The following PPP1R9A variants were observed in gnomAD, a reference collection of about 807,000 sequenced individuals.
The protein encoded by PPP1R9A is neurabin-1.
Under a neutral mutation model 141.9 loss-of-function variants are expected in PPP1R9A, and 59 were observed. The ratio of observed to expected loss-of-function variants is 0.42; its 90% confidence interval spans 0.34 to 0.52. The LOEUF is 0.52. Ranked by LOEUF, PPP1R9A falls within the 20% of genes least tolerant of loss-of-function variation. PPP1R9A has a pLI of 0.10. For synonymous variants in PPP1R9A, 500 were observed against 569.7 expected (o/e 0.88, Z 1.74); for missense variants, 1,444 against 1,611.9 (o/e 0.90, Z 1.78).
rs1475237222 is a variant in PPP1R9A, at chr7:95,072,875, T to A, written c.1396-38384T>A. ...ATATAAGTTATATAATATAATATAA[T>A]ATTATATAATATACCATATATAGCA... On this transcript the variant is annotated intron_variant, in intron 2 of 19. Coordinates refer to ENST00000433360, the MANE Select transcript of PPP1R9A (RefSeq NM_001166160.2). Among the ~76,000 whole-genome samples the A allele has an allele frequency of 2.6e-5, 3 of 114,780 alleles. No homozygotes were observed. The Admixed American group carries it at 3.6e-4, about 14-fold the overall frequency. The allele number at this position is 114,780 out of a possible 152,430, so 75.3% of individuals were successfully genotyped here.
intron 2 of PPP1R9A, among the ~76,000 whole-genome samples, chr7:94,929,117 A>C (rs1793840967): frequency 6.6e-6 from 1 of 152,218 alleles, no homozygotes; most frequent in Non-Finnish European, 1.5e-5. Flanking sequence ...TTTAACTGCC[A>C]TTTTCAATTA....
At chr7:95,221,191 C>T (rs1360457702) in intron 7 of PPP1R9A, among the ~76,000 whole-genome samples, 1 of 152,110 alleles carries the variant, frequency 6.6e-6, no homozygotes, top group Non-Finnish European at 1.5e-5. Context: ...TCGTTTTGAG[C>T]ACCTACCATG....
intron 12 of PPP1R9A, among the ~76,000 whole-genome samples, chr7:95,268,327 A>G (rs1257210260): frequency 6.6e-6 from 1 of 152,084 alleles, no homozygotes; most frequent in East Asian, 1.9e-4. Flanking sequence ...TTGGATTTTT[A>G]TAGCGCCTTC....
chr7:95,139,228 T>G (rs1172858136), intron 4 of PPP1R9A, among the ~76,000 whole-genome samples: 5 of 152,116 alleles, frequency 3.3e-5, no homozygotes, highest in Non-Finnish European at 7.4e-5. Context: ...AGAAGGCACC[T>G]CCTCACAGGG....
Position 94,910,923 on chromosome 7 carries a change from T to G in PPP1R9A, c.810T>G (p.Asp270Glu), listed in dbSNP as rs898950602. ...ACAAGCGAGGTGTTGATACAGAGGA[T>G]GCTCACAAGAGTAATGCAACTCCAG... ...PSNKRGVDTE[D>E]AHKSNATPVP... The change falls in exon 2 of 20, where the codon GAT (aspartate) becomes GAG (glutamate). Residue 270 changes from aspartate (D) to glutamate (E), a missense_variant. Physicochemically the swap from Asp to Glu is conservative, Grantham distance 45. This residue lies in a region of PPP1R9A where 490 missense variants were observed against 521.1 expected (regional missense o/e 0.94). Coordinates refer to ENST00000433360, the MANE Select transcript of PPP1R9A (RefSeq NM_001166160.2). This position sits in a 1 kb window ranked among gnomAD's most constrained non-coding sequence, Gnocchi z 4.5. The G allele has an allele frequency of 3.1e-6, 5 of 1,614,036 alleles. No homozygotes were observed. Among genetic ancestry groups the G allele is most frequent in the Non-Finnish European group, 3.4e-6 (4 of 1,180,032 alleles).
chr7:95,037,714 T>C (rs1198465231), intron 2 of PPP1R9A, among the ~76,000 whole-genome samples: 1 of 152,152 alleles, frequency 6.6e-6, no homozygotes, highest in Non-Finnish European at 1.5e-5. Context: ...CGCGCGTGTG[T>C]GTGTGCGTGC....
intron 2 of PPP1R9A, among the ~76,000 whole-genome samples, chr7:95,011,140 ATTATG>A (rs1804361176): frequency 6.6e-6 from 1 of 152,202 alleles, no homozygotes; most frequent in African/African-American, 2.4e-5. Flanking sequence ...CATGCTCAAT[ATTATG>A]TTATATTTAA....
At chr7:95,103,911 AT>A (rs1381344430) in intron 2 of PPP1R9A, among the ~76,000 whole-genome samples, 4 of 152,198 alleles carry the variant, frequency 2.6e-5, no homozygotes, top group Admixed American at 2.6e-4. Context: ...ACTTTGGCAT[AT>A]ATAACATAAT....
chr7:94,981,602 A>G (rs1312165396), intron 2 of PPP1R9A, among the ~76,000 whole-genome samples: 1 of 152,072 alleles, frequency 6.6e-6, no homozygotes, highest in Non-Finnish European at 1.5e-5. Context: ...TTCACCTTGT[A>G]TTACAGATAA....
At chr7:95,031,264 A>G (rs1245658662) in intron 2 of PPP1R9A, among the ~76,000 whole-genome samples, 2 of 152,212 alleles carry the variant, frequency 1.3e-5, no homozygotes, top group Admixed American at 6.5e-5. Flanking sequence ...AGCTGAATGT[A>G]TAACTTAGAT....
chr7:95,245,919 G>T (rs1377443810), intron 8 of PPP1R9A, among the ~76,000 whole-genome samples: 1 of 152,184 alleles, frequency 6.6e-6, no homozygotes, highest in African/African-American at 2.4e-5. Flanking sequence ...GATGGCCAGA[G>T]TGACCAGGTC....
chr7:95,033,551 G>A (rs1374460932), intron 2 of PPP1R9A, among the ~76,000 whole-genome samples: 2 of 151,980 alleles, frequency 1.3e-5, no homozygotes, highest in African/African-American at 4.8e-5. Context: ...TTTCCTTGAT[G>A]GTTAGTGCTT....
intron 12 of PPP1R9A, among the ~76,000 whole-genome samples, chr7:95,257,037 T>C (rs1799684377): frequency 6.6e-6 from 1 of 152,164 alleles, no homozygotes. Flanking sequence ...AAACAAGGCT[T>C]TTAACTTCTT....
chr7:95,286,885 A>T (rs1395388052), intron 18 of PPP1R9A, among the ~76,000 whole-genome samples: 2 of 152,178 alleles, frequency 1.3e-5, no homozygotes, highest in Non-Finnish European at 2.9e-5. Flanking sequence ...GGAGGACAGA[A>T]GGCACCATAA....
chr7:95,039,795 C>G (rs751164133), intron 2 of PPP1R9A, among the ~76,000 whole-genome samples: 14 of 151,652 alleles, frequency 9.2e-5, no homozygotes. Flanking sequence ...GTGTGACATA[C>G]CCATAATTGG....
chr7:95,023,814 A>T (rs1013159511), intron 2 of PPP1R9A, among the ~76,000 whole-genome samples: 5 of 152,102 alleles, frequency 3.3e-5, no homozygotes, highest in Non-Finnish European at 5.9e-5. Flanking sequence ...GGCCTCCCAA[A>T]GTGTTGGGAT....
intron 2 of PPP1R9A, among the ~76,000 whole-genome samples, chr7:95,029,282 A>G (rs913291571): frequency 2.6e-5 from 4 of 152,262 alleles, no homozygotes; most frequent in Admixed American, 1.3e-4. Flanking sequence ...ATTGAAATGT[A>G]TTATTGTTAT....
chr7:95,095,188 A>AT (rs1272934564), intron 2 of PPP1R9A, among the ~76,000 whole-genome samples: 1 of 152,150 alleles, frequency 6.6e-6, no homozygotes, highest in African/African-American at 2.4e-5. Flanking sequence ...GCTGCATTTG[A>AT]TTTTTTGCTT....
chr7:95,005,322 A>G (rs939692188), intron 2 of PPP1R9A, among the ~76,000 whole-genome samples: 2 of 152,196 alleles, frequency 1.3e-5, no homozygotes, highest in Non-Finnish European at 2.9e-5. Context: ...TAAACTGAGG[A>G]TTTGTGAATA....
Sources: gnomAD v4.1 joint callset for allele counts (sites outside exome capture counted in the v4.1 genomes callset) on GRCh38, gnomAD v4.1.1 for gene constraint, gnomAD v4.1.1 regional missense constraint, Gnocchi (gnomAD v3.1) non-coding constraint, MANE v1.5 for transcripts, NCBI Gene and HGNC (gene_info 2026-07-23, HGNC 2026-07-21) for gene names.